Variants in MAD1L1 observed in about 807,000 individuals in gnomAD.
MAD1L1 encodes mitotic spindle assembly checkpoint protein MAD1.
A neutral mutation model predicts 96.9 loss-of-function variants in MAD1L1; 95 were observed. That is an observed-to-expected ratio of 0.98 (90% CI 0.83 to 1.16). The LOEUF (loss-of-function observed/expected upper bound fraction) is 1.16. MAD1L1 is among the 50% of genes most tolerant of loss of function. The probability of loss-of-function intolerance (pLI) is 0.00; values close to 1 mark genes in which losing one functional copy is unlikely to be tolerated. For missense variants in MAD1L1, 1,007 were observed against 954.4 expected (o/e 1.06, Z -0.73); for synonymous variants, 473 against 396.6 (o/e 1.19, Z -2.29).
In MAD1L1 at chr7:2,119,636, G is replaced by A. The variant is rs1242907797; in HGVS notation, c.1073+29516C>T. ...AGTGGCAGGTGGGCTACAGCTGCAG[G>A]ACAGAGGGCTGGAGCTCTGGAGGGT... On this transcript the variant is annotated intron_variant, in intron 11 of 18. Coordinates refer to ENST00000265854, the MANE Select transcript of MAD1L1 (RefSeq NM_001013836.2). This position sits in a 1 kb window ranked among gnomAD's most constrained non-coding sequence, Gnocchi z 4.6. Among the ~76,000 whole-genome samples, 1 of 152,192 alleles carries A rather than the reference G, an allele frequency of 6.6e-6. No individual in the cohort carries two copies. The highest frequency in any genetic ancestry group is 1.5e-5 in the Non-Finnish European group (1 of 68,024).
intron 17 of MAD1L1, among the ~76,000 whole-genome samples, chr7:1,905,808 G>C (rs1168394506): frequency 2.6e-5 from 4 of 152,160 alleles, no homozygotes; most frequent in Non-Finnish European, 5.9e-5. Flanking sequence ...CCAGCACTCT[G>C]GGAGGCCAAA....
intron 12 of MAD1L1, among the ~76,000 whole-genome samples, chr7:2,032,026 G>T (rs947387355): frequency 3.3e-5 from 5 of 152,252 alleles, no homozygotes; most frequent in African/African-American, 1.2e-4. Context: ...CAAAGTCTAG[G>T]TGGCTTTCTC....
At chr7:1,900,621 G>A (rs1452925433) in intron 17 of MAD1L1, among the ~76,000 whole-genome samples, 1 of 152,188 alleles carries the variant, frequency 6.6e-6, no homozygotes, top group Non-Finnish European at 1.5e-5. Flanking sequence ...CGAAGATGGG[G>A]CTATCGGTAG....
At chr7:1,962,939 C>G (rs1780010455) in intron 15 of MAD1L1, among the ~76,000 whole-genome samples, 1 of 152,040 alleles carries the variant, frequency 6.6e-6, no homozygotes, top group Admixed American at 6.5e-5. Context: ...AGAGCAAGAC[C>G]CTGTCTGTAA....
rs1362636040 is a variant in MAD1L1, at chr7:1,904,935, C to A, written c.1808-6545G>T. On this transcript the variant is annotated intron_variant, in intron 17 of 18. Transcript: ENST00000265854. The stretch of plus-strand genomic sequence containing the variant: ...GCCTATGGAAGACGTTCTTGTGGAA[C>A]TCATGATTGATGAAGCACTATTCCA... 3.5e-5 allele frequency among the ~76,000 whole-genome samples: 3 copies of A among 86,342 alleles called. 1 individual carries two copies. Among genetic ancestry groups the A allele is most frequent in the African/African-American group, 1.4e-4 (3 of 22,104 alleles). The allele number at this position is 86,342 out of a possible 152,430, so 56.6% of individuals were successfully genotyped here.
Position 2,119,977 on chromosome 7 carries a change from C to T in MAD1L1, c.1073+29175G>A, listed in dbSNP as rs907021937. ...CTCCCAGCATGCGCCCAAGGCATCC[C>T]TAGCAATGCCCCAGGTGGAGGAGCC... On this transcript the variant is annotated intron_variant, in intron 11 of 18. Coordinates refer to ENST00000265854, the MANE Select transcript of MAD1L1 (RefSeq NM_001013836.2). This position sits in a 1 kb window ranked among gnomAD's most constrained non-coding sequence, Gnocchi z 4.6. Among the ~76,000 whole-genome samples the T allele has an allele frequency of 4.6e-5, 7 of 152,138 alleles. No individual in the cohort carries two copies. Among genetic ancestry groups the T allele is most frequent in the African/African-American group, 7.2e-5 (3 of 41,438 alleles).
chr7:1,888,092 T>A (rs1320255357), intron 18 of MAD1L1, among the ~76,000 whole-genome samples: 2 of 148,126 alleles, frequency 1.4e-5, no homozygotes, highest in African/African-American at 5.0e-5. Context: ...TGAGCATGCA[T>A]GTTCATGGGG....
chr7:2,161,451 G>A (rs1042644470), intron 10 of MAD1L1, among the ~76,000 whole-genome samples: 15 of 151,982 alleles, frequency 9.9e-5, no homozygotes, highest in Non-Finnish European at 1.5e-4. Flanking sequence ...ATCTCGGCTC[G>A]CTACAACCTT....
intron 18 of MAD1L1, among the ~76,000 whole-genome samples, chr7:1,886,324 G>A (rs1235297837): frequency 2.0e-5 from 3 of 152,220 alleles, no homozygotes; most frequent in African/African-American, 4.8e-5. Flanking sequence ...TTATTCACAA[G>A]CCTGCTTCAG....
intron 16 of MAD1L1, among the ~76,000 whole-genome samples, chr7:1,945,517 G>A (rs1050572079): frequency 6.6e-6 from 1 of 152,170 alleles, no homozygotes; most frequent in Admixed American, 6.5e-5. Flanking sequence ...TCACTTCCTG[G>A]GTCACAGCCG....
At chr7:1,884,625 C>A (rs989718217) in intron 18 of MAD1L1, among the ~76,000 whole-genome samples, 2 of 152,240 alleles carry the variant, frequency 1.3e-5, no homozygotes, top group Admixed American at 1.3e-4. Flanking sequence ...AAGAGACGAC[C>A]GAGAGTGGCC....
At chr7:2,067,473 C>T (rs1277044246) in intron 12 of MAD1L1, among the ~76,000 whole-genome samples, 3 of 152,152 alleles carry the variant, frequency 2.0e-5, no homozygotes, top group Non-Finnish European at 4.4e-5. Context: ...ATCACGCACC[C>T]AAAGATCACC....
chr7:2,100,789 G>A (rs577692583), intron 11 of MAD1L1, among the ~76,000 whole-genome samples: 2 of 152,216 alleles, frequency 1.3e-5, no homozygotes, highest in Non-Finnish European at 2.9e-5. Flanking sequence ...CCCTGAAGGG[G>A]GTTGGAGGGT....
At chr7:2,223,750 C>T (rs1793734049) in intron 4 of MAD1L1, 1 of 152,276 alleles carries the variant, frequency 6.6e-6, no homozygotes, top group South Asian at 2.1e-4. Context: ...CGCTCAGCAC[C>T]ATCACAGCCA....
intron 18 of MAD1L1, among the ~76,000 whole-genome samples, chr7:1,858,579 G>A (rs534790006): frequency 2.6e-5 from 4 of 152,316 alleles, no homozygotes; most frequent in East Asian, 3.9e-4. Context: ...ACCCTGTCCC[G>A]GCACCAGGAC....
At chr7:1,888,628 G>T (rs569402326) in intron 18 of MAD1L1, among the ~76,000 whole-genome samples, 2 of 152,084 alleles carry the variant, frequency 1.3e-5, no homozygotes, top group Admixed American at 1.3e-4. Flanking sequence ...GCATGCATGC[G>T]TGCATGTGGA....
chr7:2,171,684 C>A (rs1230044050), intron 10 of MAD1L1, among the ~76,000 whole-genome samples: 1 of 151,478 alleles, frequency 6.6e-6, no homozygotes, highest in African/African-American at 2.4e-5. Context: ...GTCACCTCCG[C>A]CATGCAAAGT....
chr7:1,944,257 C>T (rs1779127036), intron 16 of MAD1L1, among the ~76,000 whole-genome samples: 1 of 152,160 alleles, frequency 6.6e-6, no homozygotes, highest in Non-Finnish European at 1.5e-5. Flanking sequence ...GTTCGGGCTT[C>T]CTTGAGAGGG....
chr7:2,149,102 C>A (rs748984811), intron 11 of MAD1L1, 50 bp downstream of exon 11: 2 of 1,553,626 alleles, frequency 1.3e-6, no homozygotes, highest in East Asian at 4.5e-5. Context: ...TCACCCCTAA[C>A]TCTCCAAAGC....
Sources: gnomAD v4.1 joint callset for allele counts (sites outside exome capture counted in the v4.1 genomes callset) on GRCh38, gnomAD v4.1.1 for gene constraint, Gnocchi (gnomAD v3.1) non-coding constraint, MANE v1.5 for transcripts, NCBI Gene and HGNC (gene_info 2026-07-23, HGNC 2026-07-21) for gene names.